The following PRIMPOL variants were observed in gnomAD, a reference collection of about 807,000 sequenced individuals.
PRIMPOL encodes the protein primase and DNA directed polymerase.
Under a neutral mutation model 63.6 loss-of-function variants are expected in PRIMPOL, and 54 were observed. That is an observed-to-expected ratio of 0.85 (90% CI 0.68 to 1.07). The LOEUF is 1.07. Ranked by LOEUF, PRIMPOL falls within the 50% of genes least tolerant of loss-of-function variation. The pLI, the probability that PRIMPOL is intolerant of heterozygous loss-of-function variation, is 0.00. For synonymous variants in PRIMPOL, 197 were observed against 220.2 expected, an observed-to-expected ratio of 0.89 and a Z score of 0.93; for missense variants, 610 against 648.3, an observed-to-expected ratio of 0.94 and a Z score of 0.64.
intron 5 of PRIMPOL, 132 bp from the exon 6 acceptor site, chr4:184,665,785 A>T: frequency 1.9e-6 from 1 of 524,168 alleles, no homozygotes. Context: ...GATTACAGGC[A>T]TGAGCCACCA....
At chr4:184,658,084 T>TG (rs60383196) in intron 3 of PRIMPOL, among the ~76,000 whole-genome samples, 2 of 110,510 alleles carry the variant, frequency 1.8e-5, no homozygotes, top group East Asian at 2.1e-4. Flanking sequence ...TTTTTTTTTT[T>TG]GGGGCACTGT....
rs927093962 is a variant in PRIMPOL at position 184,681,153 on chromosome 4, A to T, written c.1008-1095A>T. ...AAATACCAGGTAGTTTACTTCTTGA[A>T]ATAAAGGCTAAATCCTTTATGGTTA... On this transcript the variant is annotated intron_variant, in intron 8 of 13. Transcript: ENST00000314970. Among the ~76,000 whole-genome samples, 3 of 152,288 alleles carry T rather than the reference A, an allele frequency of 2.0e-5. No individual in the cohort carries two copies. In the South Asian group the frequency reaches 6.2e-4, roughly 32 times the overall value.
intron 5 of PRIMPOL, among the ~76,000 whole-genome samples, chr4:184,663,325 G>A (rs1198044351): frequency 5.9e-5 from 9 of 152,082 alleles, no homozygotes; most frequent in Non-Finnish European, 1.2e-4. Flanking sequence ...GATTATAGGC[G>A]CGAGCCATTG....
chr4:184,667,513 G>T (rs139337053), intron 6 of PRIMPOL, among the ~76,000 whole-genome samples: 4,599 of 151,710 alleles, frequency 0.03, 102 homozygotes, highest in Non-Finnish European at 0.047. Context: ...AGTTTCACCA[G>T]GTTAGCCAGG....
chr4:184,651,148 G>A (rs1744276325), intron 1 of PRIMPOL, among the ~76,000 whole-genome samples: 1 of 151,980 alleles, frequency 6.6e-6, no homozygotes, highest in Admixed American at 6.6e-5. Flanking sequence ...AAAATTAGCC[G>A]GGTGCAGTGG....
intron 11 of PRIMPOL, among the ~76,000 whole-genome samples, chr4:184,686,525 C>T (rs187990107): frequency 1.2e-3 from 180 of 151,996 alleles, no homozygotes; most frequent in Non-Finnish European, 2.1e-3. Context: ...TTCTTTAAAA[C>T]GCCCATGGGA....
chr4:184,691,777 C>A, intron 13 of PRIMPOL, 65 bp downstream of exon 13: 1 of 1,232,958 alleles, frequency 8.1e-7, no homozygotes, highest in Non-Finnish European at 1.2e-6. Flanking sequence ...TATACCTGAG[C>A]CATGAGTAGT....
At chr4:184,652,728 G>T (rs2720389) in intron 2 of PRIMPOL, among the ~76,000 whole-genome samples, 145,845 of 151,926 alleles carry the variant, frequency 0.96, 70,326 homozygotes, top group East Asian at 1. Context: ...CAAATACCAG[G>T]ATATTACCAA....
chr4:184,683,566 A>T (rs2150143127), intron 9 of PRIMPOL, among the ~76,000 whole-genome samples: 1 of 152,362 alleles, frequency 6.6e-6, no homozygotes, highest in South Asian at 2.1e-4. Flanking sequence ...AAAGGCAGGT[A>T]ACCACTGCAA....
chr4:184,682,585 C>T (rs530576875), intron 9 of PRIMPOL, among the ~76,000 whole-genome samples: 1 of 152,070 alleles, frequency 6.6e-6, no homozygotes. Flanking sequence ...TGGGCTCAAA[C>T]GATCTGTCTG....
chr4:184,694,132 C>T (rs1410552816), intron 13 of PRIMPOL: 2 of 731,234 alleles, frequency 2.7e-6, no homozygotes, highest in Non-Finnish European at 1.7e-6. Flanking sequence ...TTACGATTTG[C>T]TAAATACTTT....
chr4:184,694,660 T>C lies in PRIMPOL; in HGVS notation c.1564T>C (p.Phe522Leu), dbSNP rs775021705. The change falls in exon 14 of 14, where the codon TTT (phenylalanine) becomes CTT (leucine). Residue 522 changes from phenylalanine to leucine, a missense_variant. Phe to Leu is a conservative substitution (Grantham distance 22, BLOSUM62 0). Coordinates refer to ENST00000314970, the MANE Select transcript of PRIMPOL (RefSeq NM_152683.4). Reference sequence around the variant, plus strand: ...GGATAATGGCATTGATGATGCTTATTTTTTAGAAGCTACTGAAGATGCTGA... The same window carrying C: ...GGATAATGGCATTGATGATGCTTATCTTTTAGAAGCTACTGAAGATGCTGA... ...VWDNGIDDAY[F>L]LEATEDAELA... 1 of 1,614,194 alleles carries C rather than the reference T, an allele frequency of 6.2e-7. No individual in the cohort carries two copies.
rs1380473900 is a variant in PRIMPOL at position 184,694,652 on chromosome 4, A to C, written c.1556A>C (p.Asp519Ala). The C allele has an allele frequency of 6.2e-7, 1 of 1,614,158 alleles. No homozygotes were observed. Among genetic ancestry groups the C allele is most frequent in the Non-Finnish European group, 8.5e-7 (1 of 1,180,014 alleles). ...GCTGTCTGGGATAATGGCATTGATGATGCTTATTTTTTAGAAGCTACTGAA... is the reference window on the plus strand; with the variant it reads ...GCTGTCTGGGATAATGGCATTGATGCTGCTTATTTTTTAGAAGCTACTGAA... ...ADAVWDNGID[D>A]AYFLEATEDA... Residue 519 changes from aspartate (D) to alanine (A), a missense_variant, in exon 14 of 14, where the codon GAT becomes GCT. Physicochemically the swap from Asp to Ala is moderately radical, Grantham distance 126 (BLOSUM62 -2). Transcript: ENST00000314970.
chr4:184,678,274 C>T lies in PRIMPOL; in HGVS notation c.887C>T (p.Ser296Leu). Reference protein sequence around the residue: ...RNRNFRLYKSSKIGKRVALEV... With the variant: ...RNRNFRLYKSLKIGKRVALEV... ...AGAAACTTTCGGCTATATAAATCATCAAAAATTGGAAAGCGTGTGGCTTTG... is the reference window on the plus strand; with the variant it reads ...AGAAACTTTCGGCTATATAAATCATTAAAAATTGGAAAGCGTGTGGCTTTG... Residue 296 changes from serine (S) to leucine (L), a missense_variant, in exon 8 of 14, where the codon TCA becomes TTA. Ser to Leu is a moderately radical substitution (Grantham distance 145). Around this residue, in one of 3 missense-constraint regions of PRIMPOL, gnomAD observed 444 missense variants for 456.4 expected, o/e 0.97. Transcript: ENST00000314970. 6.3e-7 allele frequency: 1 copy of T among 1,598,432 alleles called. No individual in the cohort carries two copies. The highest frequency in any genetic ancestry group is 8.5e-7 in the Non-Finnish European group (1 of 1,174,504).
intron 11 of PRIMPOL, among the ~76,000 whole-genome samples, chr4:184,689,811 G>A (rs1030382346): frequency 6.6e-6 from 1 of 152,088 alleles, no homozygotes; most frequent in African/African-American, 2.4e-5. Flanking sequence ...CTACAAAGAT[G>A]GAGCATGAAT....
intron 2 of PRIMPOL, among the ~76,000 whole-genome samples, chr4:184,656,326 G>C (rs1366075611): frequency 6.6e-6 from 1 of 152,090 alleles, no homozygotes; most frequent in African/African-American, 2.4e-5. Context: ...ATCTCTTGAT[G>C]GGAAAAATGG....
At chr4:184,692,471 C>CAAAA (rs60321808) in intron 13 of PRIMPOL, among the ~76,000 whole-genome samples, 125 of 73,744 alleles carry the variant, frequency 1.7e-3, no homozygotes, top group Middle Eastern at 8.3e-3. Flanking sequence ...GACTCTGCCT[C>CAAAA]AAAAAAAAAA....
intron 11 of PRIMPOL, among the ~76,000 whole-genome samples, chr4:184,689,943 T>A (rs532234663): frequency 6.6e-6 from 1 of 152,322 alleles, no homozygotes; most frequent in East Asian, 1.9e-4. Context: ...GGCACCTTCC[T>A]GTACAGTTTG....
chr4:184,694,495 C>G, intron 13 of PRIMPOL, 27 bp from the exon 14 acceptor site: 4 of 1,603,880 alleles, frequency 2.5e-6, no homozygotes, highest in Non-Finnish European at 3.4e-6. Flanking sequence ...CTATCCCACT[C>G]TCTATCCCTT....
Sources: gnomAD v4.1 joint callset for allele counts (sites outside exome capture counted in the v4.1 genomes callset) on GRCh38, gnomAD v4.1.1 for gene constraint, gnomAD v4.1.1 regional missense constraint, MANE v1.5 for transcripts, NCBI Gene and HGNC (gene_info 2026-07-23, HGNC 2026-07-21) for gene names.